Variants in RSU1 observed in about 807,000 individuals in gnomAD.
RSU1 encodes Ras suppressor protein 1.
In RSU1, 26 loss-of-function variants were observed where a neutral mutation model predicts 31.1. The observed-to-expected ratio is 0.84, with a 90% confidence interval of 0.61 to 1.16. The LOEUF (loss-of-function observed/expected upper bound fraction) is 1.16, where lower values mean the gene tolerates loss of function less well. Among genes scored for constraint, RSU1 ranks in the 50% most tolerant of loss-of-function variants. The pLI, the probability that RSU1 is intolerant of heterozygous loss-of-function variation, is 0.00. For missense variants in RSU1, 320 were observed against 339.1 expected, an observed-to-expected ratio of 0.94 and a Z score of 0.44; for synonymous variants, 164 against 136.3, an observed-to-expected ratio of 1.20 and a Z score of -1.41.
chr10:16,799,126 T>C (rs1217953666), intron 2 of RSU1, among the ~76,000 whole-genome samples: 1 of 152,220 alleles, frequency 6.6e-6, no homozygotes, highest in African/African-American at 2.4e-5. Context: ...GACTGTATCA[T>C]AGGAAATGGC....
At position 16,705,584 on chromosome 10, in the gene RSU1, G is replaced by A. The variant is rs892819319; in HGVS notation, c.599-10429C>T. Among the ~76,000 whole-genome samples, 9 of 152,194 alleles carry A rather than the reference G, an allele frequency of 5.9e-5. No individual in the cohort carries two copies. In the South Asian group the frequency reaches 1.5e-3, roughly 25 times the overall value. ...AGCTCACTGCAACATCTGCTTCCCAGTTCAAACGATTTTCCTGCCTCAGCC... is the reference window on the plus strand; with the variant it reads ...AGCTCACTGCAACATCTGCTTCCCAATTCAAACGATTTTCCTGCCTCAGCC... On this transcript the variant is annotated intron_variant, in intron 7 of 8. Coordinates refer to ENST00000345264, the MANE Select transcript of RSU1 (RefSeq NM_012425.4).
chr10:16,606,595 G>A (rs1833809602), intron 8 of RSU1, among the ~76,000 whole-genome samples: 1 of 152,184 alleles, frequency 6.6e-6, no homozygotes, highest in African/African-American at 2.4e-5. Flanking sequence ...CATCACCAGG[G>A]CAGGATTCCT....
intron 8 of RSU1, among the ~76,000 whole-genome samples, chr10:16,615,590 A>G (rs937276192): frequency 1.5e-4 from 23 of 152,248 alleles, no homozygotes; most frequent in Non-Finnish European, 7.3e-5. Context: ...CATTCTTCTC[A>G]ATGCCACAGG....
At chr10:16,771,606 A>C (rs1324888178) in intron 3 of RSU1, among the ~76,000 whole-genome samples, 3 of 151,226 alleles carry the variant, frequency 2.0e-5, no homozygotes, top group African/African-American at 7.3e-5. Flanking sequence ...TTTATATGCC[A>C]AAAAAAAAGG....
At chr10:16,754,831 T>C in intron 5 of RSU1, 40 bp downstream of exon 5, 2 of 1,299,132 alleles carry the variant, frequency 1.5e-6, no homozygotes, top group East Asian at 2.3e-5. Context: ...GAACGCAAAG[T>C]ACAAGGTTGA....
chr10:16,637,926 GCATGGGCA>G (rs971320976), intron 8 of RSU1, among the ~76,000 whole-genome samples: 1 of 151,878 alleles, frequency 6.6e-6, no homozygotes, highest in Admixed American at 6.6e-5. Flanking sequence ...AACAATTAAA[GCATGGGCA>G]CATCATTTCT....
At chr10:16,815,533 T>C (rs929090713) in intron 2 of RSU1, among the ~76,000 whole-genome samples, 1 of 152,162 alleles carries the variant, frequency 6.6e-6, no homozygotes, top group African/African-American at 2.4e-5. Flanking sequence ...ACAGGCCTAA[T>C]CCATCATTCT....
intron 8 of RSU1, among the ~76,000 whole-genome samples, chr10:16,662,533 T>C (rs1238689637): frequency 6.6e-6 from 1 of 152,322 alleles, no homozygotes; most frequent in South Asian, 2.1e-4. Context: ...AAACATATTG[T>C]AGCCTACTTT....
chr10:16,720,702 T>C (rs752788002), intron 7 of RSU1, among the ~76,000 whole-genome samples: 1 of 152,256 alleles, frequency 6.6e-6, no homozygotes, highest in African/African-American at 2.4e-5. Context: ...TGTGCATATG[T>C]GCACAGACAA....
intron 7 of RSU1, among the ~76,000 whole-genome samples, chr10:16,744,641 G>T (rs147996234): frequency 7.2e-5 from 11 of 152,276 alleles, no homozygotes; most frequent in African/African-American, 2.6e-4. Flanking sequence ...GTGAATGAGT[G>T]AATGAAACAA....
At chr10:16,684,163 G>C (rs569261995) in intron 8 of RSU1, among the ~76,000 whole-genome samples, 1 of 152,218 alleles carries the variant, frequency 6.6e-6, no homozygotes, top group Non-Finnish European at 1.5e-5. Flanking sequence ...CTTTACAGAT[G>C]CGCATTTTCA....
intron 2 of RSU1, among the ~76,000 whole-genome samples, chr10:16,801,670 T>G (rs539137828): frequency 3.7e-4 from 56 of 151,938 alleles, no homozygotes; most frequent in African/African-American, 1.3e-3. Flanking sequence ...CTTAAGAAAA[T>G]AGAAATTATA....
intron 7 of RSU1, among the ~76,000 whole-genome samples, chr10:16,727,474 G>A (rs1053809184): frequency 1.3e-5 from 2 of 152,082 alleles, no homozygotes; most frequent in East Asian, 1.9e-4. Context: ...ATGGATTGCC[G>A]CTACCAATAT....
intron 7 of RSU1, among the ~76,000 whole-genome samples, chr10:16,701,001 G>A (rs1446839180): frequency 2.6e-5 from 4 of 152,064 alleles, no homozygotes; most frequent in Non-Finnish European, 5.9e-5. Flanking sequence ...AAGAAGAAAA[G>A]GATAATATTA....
intron 7 of RSU1, among the ~76,000 whole-genome samples, chr10:16,726,489 T>C (rs559033575): frequency 6.6e-6 from 1 of 152,154 alleles, no homozygotes; most frequent in East Asian, 1.9e-4. Context: ...ATGGTCCCGA[T>C]ATCTTGACCT....
chr10:16,794,493 C>G (rs963886926), intron 2 of RSU1, among the ~76,000 whole-genome samples: 2 of 152,178 alleles, frequency 1.3e-5, no homozygotes, highest in African/African-American at 4.8e-5. Flanking sequence ...ATTTTTCTAG[C>G]ATAAACTATT....
intron 8 of RSU1, among the ~76,000 whole-genome samples, chr10:16,636,676 C>T (rs755803513): frequency 8.5e-5 from 13 of 152,232 alleles, no homozygotes; most frequent in Non-Finnish European, 1.8e-4. Flanking sequence ...CAGGAGACCT[C>T]CTATCTGATC....
chr10:16,719,997 G>A (rs748205293), intron 7 of RSU1, among the ~76,000 whole-genome samples: 3 of 152,178 alleles, frequency 2.0e-5, no homozygotes, highest in Admixed American at 1.3e-4. Flanking sequence ...GGAAAATGTG[G>A]TGCAAGGATT....
chr10:16,814,105 G>A (rs1317198092), intron 2 of RSU1, among the ~76,000 whole-genome samples: 1 of 152,148 alleles, frequency 6.6e-6, no homozygotes, highest in Non-Finnish European at 1.5e-5. Flanking sequence ...CTGGATACTA[G>A]TATATAAAAC....
Sources: allele counts gnomAD v4.1 joint callset (sites outside exome capture counted in the v4.1 genomes callset), GRCh38; gene constraint gnomAD v4.1.1; transcripts MANE v1.5; gene names NCBI Gene and HGNC (gene_info 2026-07-23, HGNC 2026-07-21).